KCND2: variants seen among roughly 807,000 people sequenced by gnomAD.
KCND2 encodes the protein potassium voltage-gated channel subfamily D member 2, also known as A-type voltage-gated potassium channel KCND2.
A neutral mutation model predicts 54.4 loss-of-function variants in KCND2; 16 were observed. That is an observed-to-expected ratio of 0.29 (90% CI 0.20 to 0.45). The LOEUF (loss-of-function observed/expected upper bound fraction) is 0.45, where lower values mean the gene tolerates loss of function less well. Among genes scored for constraint, KCND2 ranks in the 20% least tolerant of loss-of-function variants. The pLI is 1.00. For missense variants in KCND2, 486 were observed against 824.2 expected (o/e 0.59, Z 5.02); for synonymous variants, 317 against 310.7 (o/e 1.02, Z -0.21).
intron 1 of KCND2, among the ~76,000 whole-genome samples, chr7:120,337,702 A>G (rs1800171982): frequency 6.6e-6 from 1 of 152,224 alleles, no homozygotes; most frequent in African/African-American, 2.4e-5. Flanking sequence ...CATATAATGA[A>G]AAATAAGCAC....
At chr7:120,619,174 G>A (rs903341322) in intron 1 of KCND2, among the ~76,000 whole-genome samples, 1 of 152,250 alleles carries the variant, frequency 6.6e-6, no homozygotes, top group Non-Finnish European at 1.5e-5. Context: ...GCTCATACCT[G>A]TAATTCCAGG....
At chr7:120,430,887 C>T (rs1409230300) in intron 1 of KCND2, among the ~76,000 whole-genome samples, 6 of 152,022 alleles carry the variant, frequency 3.9e-5, no homozygotes, top group Non-Finnish European at 5.9e-5. Context: ...AAAAGTGTTA[C>T]GTTTATTTTA....
At chr7:120,323,097 T>C (rs897872010) in intron 1 of KCND2, among the ~76,000 whole-genome samples, 2 of 151,806 alleles carry the variant, frequency 1.3e-5, no homozygotes, top group Non-Finnish European at 2.9e-5. Flanking sequence ...ATCATCTAGG[T>C]TTCAAGCCTC....
At chr7:120,642,553 C>T (rs1584866489) in intron 1 of KCND2, among the ~76,000 whole-genome samples, 1 of 131,764 alleles carries the variant, frequency 7.6e-6, no homozygotes, top group East Asian at 2.3e-4. Flanking sequence ...TAATTCGTCT[C>T]AATAAAAATA....
chr7:120,658,228 C>G (rs1458711273), intron 1 of KCND2, among the ~76,000 whole-genome samples: 1 of 152,130 alleles, frequency 6.6e-6, no homozygotes, highest in African/African-American at 2.4e-5. Context: ...AAGCTCCAAG[C>G]GAGTGAGAAA....
chr7:120,713,581 CAA>C (rs1792567039), intron 1 of KCND2, among the ~76,000 whole-genome samples: 1 of 152,060 alleles, frequency 6.6e-6, no homozygotes, highest in Admixed American at 6.6e-5. Context: ...CTTTTCTTAG[CAA>C]AATTCAAGCA....
intron 1 of KCND2, among the ~76,000 whole-genome samples, chr7:120,512,926 G>C (rs1298913678): frequency 6.6e-6 from 1 of 151,370 alleles, no homozygotes; most frequent in Non-Finnish European, 1.5e-5. Context: ...TCCTTAGTAG[G>C]GGGGATTAGA....
intron 1 of KCND2, among the ~76,000 whole-genome samples, chr7:120,392,430 G>T (rs1280824388): frequency 6.7e-6 from 1 of 149,250 alleles, no homozygotes; most frequent in African/African-American, 2.5e-5. Context: ...ATTTAAAGTA[G>T]TTTTTTTTGT....
intron 1 of KCND2, among the ~76,000 whole-genome samples, chr7:120,537,828 T>C (rs1791930911): frequency 1.3e-5 from 2 of 152,200 alleles, no homozygotes; most frequent in Non-Finnish European, 2.9e-5. Context: ...GGCCTTGCTC[T>C]GGATTAGGCT....
chr7:120,291,900 A>G (rs1799440556), intron 1 of KCND2, among the ~76,000 whole-genome samples: 1 of 151,908 alleles, frequency 6.6e-6, no homozygotes, highest in Admixed American at 6.6e-5. Flanking sequence ...ATGACATTTG[A>G]ACCTGATTTT....
rs1473373438 is a variant in KCND2, at chr7:120,749,583, C to T, written c.*1725C>T. 1 of 152,074 alleles carries T rather than the reference C, an allele frequency of 6.6e-6. No individual in the cohort carries two copies. Among genetic ancestry groups the T allele is most frequent in the African/African-American group, 2.4e-5 (1 of 41,344 alleles). 9.4% of individuals were successfully genotyped at this position (152,074 alleles called of 1,614,324 possible). On this transcript the variant is annotated 3_prime_UTR_variant, in exon 6 of 6. Transcript: ENST00000331113. ...ATTTAATCATAAAAAGGGATTAATC[C>T]AACCATTTTCTAGTAAAGCCAGAAA...
intron 1 of KCND2, among the ~76,000 whole-genome samples, chr7:120,517,293 T>G (rs566184824): frequency 6.6e-6 from 1 of 152,218 alleles, no homozygotes; most frequent in South Asian, 2.1e-4. Flanking sequence ...TCAGTATCAT[T>G]TTTAGATAAA....
chr7:120,539,688 G>T (rs963225375), intron 1 of KCND2, among the ~76,000 whole-genome samples: 2 of 152,096 alleles, frequency 1.3e-5, no homozygotes, highest in Non-Finnish European at 2.9e-5. Context: ...TACACATATA[G>T]ATAGTGAAAT....
At chr7:120,522,262 C>G (rs912433012) in intron 1 of KCND2, among the ~76,000 whole-genome samples, 2 of 152,140 alleles carry the variant, frequency 1.3e-5, no homozygotes, top group African/African-American at 2.4e-5. Context: ...TAGAAAAGGT[C>G]TTGTGTAAGC....
intron 1 of KCND2, among the ~76,000 whole-genome samples, chr7:120,393,173 G>T (rs531265463): frequency 1.3e-5 from 2 of 151,950 alleles, no homozygotes; most frequent in Admixed American, 1.3e-4. Context: ...TTTACAAACT[G>T]TGTGACCTTG....
In KCND2 at chr7:120,742,587, C is replaced by T. The variant is rs768816942; in HGVS notation, c.1452C>T (p.Cys484=). 6.2e-7 allele frequency: 1 copy of T among 1,613,362 alleles called. No individual in the cohort carries two copies. Among genetic ancestry groups the T allele is most frequent in the Non-Finnish European group, 8.5e-7 (1 of 1,179,484 alleles). Residue 484 remains cysteine (C), a synonymous_variant, in exon 4 of 6, where the codon TGC becomes TGT. Coordinates refer to ENST00000331113, the MANE Select transcript of KCND2 (RefSeq NM_012281.3). ...FETQHHHLLH[C]LEKTTNHEFV... ...CCCAGCACCACCACCTGCTTCACTG[C>T]CTGGAAAAAACCACGGTAAGGAGAC...
chr7:120,561,530 A>T (rs1792232262), intron 1 of KCND2, among the ~76,000 whole-genome samples: 1 of 151,194 alleles, frequency 6.6e-6, no homozygotes. Context: ...GCCCAAAGTT[A>T]CAAGGCTGGG....
intron 1 of KCND2, among the ~76,000 whole-genome samples, chr7:120,450,422 T>A (rs1046559044): frequency 2.0e-5 from 3 of 151,550 alleles, no homozygotes; most frequent in Non-Finnish European, 4.4e-5. Flanking sequence ...AAGAAAAAAA[T>A]TACTGGTTTG....
intron 2 of KCND2, among the ~76,000 whole-genome samples, chr7:120,733,326 TCCAGCA>T (rs1318069628): frequency 1.3e-5 from 2 of 152,118 alleles, no homozygotes; most frequent in Non-Finnish European, 2.9e-5. Context: ...CTGCAGTCAC[TCCAGCA>T]GGAGTAAAGG....
Sources: allele counts gnomAD v4.1 joint callset (sites outside exome capture counted in the v4.1 genomes callset), GRCh38; gene constraint gnomAD v4.1.1; transcripts MANE v1.5; gene names NCBI Gene and HGNC (gene_info 2026-07-23, HGNC 2026-07-21).